The following CDK14 variants were observed in gnomAD, a reference collection of about 807,000 sequenced individuals.
CDK14 encodes the protein cyclin-dependent kinase 14.
In CDK14, 34 loss-of-function variants were observed where a neutral mutation model predicts 60.7. That is an observed-to-expected ratio of 0.56 (90% CI 0.43 to 0.75). The LOEUF is 0.75. CDK14 is among the 30% of genes least tolerant of loss of function. The pLI is 0.00. For missense variants in CDK14, 482 were observed against 564.1 expected (o/e 0.85, Z 1.47); for synonymous variants, 197 against 203.7 (o/e 0.97, Z 0.28).
At chr7:90,990,366 G>A (rs1795496669) in intron 10 of CDK14, among the ~76,000 whole-genome samples, 1 of 152,124 alleles carries the variant, frequency 6.6e-6, no homozygotes, top group South Asian at 2.1e-4. Flanking sequence ...ACCTGTTAGG[G>A]TGAAGAACAT....
intron 8 of CDK14, among the ~76,000 whole-genome samples, chr7:90,918,028 G>C (rs1793133363): frequency 6.6e-6 from 1 of 151,972 alleles, no homozygotes; most frequent in South Asian, 2.1e-4. Flanking sequence ...TGCTCCTTGA[G>C]TGAAAATCTA....
intron 10 of CDK14, among the ~76,000 whole-genome samples, chr7:91,016,780 AG>A (rs1448260912): frequency 1.3e-5 from 2 of 152,194 alleles, no homozygotes; most frequent in Non-Finnish European, 2.9e-5. Context: ...ATTCTATTAG[AG>A]GAATAGGAGT....
At chr7:90,654,409 A>G (rs1241176274) in intron 2 of CDK14, among the ~76,000 whole-genome samples, 2 of 152,222 alleles carry the variant, frequency 1.3e-5, no homozygotes, top group African/African-American at 2.4e-5. Flanking sequence ...TACCATGTAT[A>G]TTAACTTTGT....
At chr7:90,646,484 C>T (rs1563028700) in intron 2 of CDK14, among the ~76,000 whole-genome samples, 1 of 151,712 alleles carries the variant, frequency 6.6e-6, no homozygotes, top group East Asian at 1.9e-4. Context: ...AGCTTTCCCC[C>T]TCACTTAAAA....
At chr7:90,880,090 C>T (rs73403543) in intron 6 of CDK14, among the ~76,000 whole-genome samples, 61 of 152,360 alleles carry the variant, frequency 4.0e-4, no homozygotes, top group African/African-American at 1.4e-3. Flanking sequence ...TGGGGAGATG[C>T]GATCAGCATT....
chr7:90,940,177 G>A (rs1299044062), intron 8 of CDK14, among the ~76,000 whole-genome samples: 1 of 151,932 alleles, frequency 6.6e-6, no homozygotes, highest in African/African-American at 2.4e-5. Flanking sequence ...CTGTTTTCTT[G>A]TTCCTTTCCC....
chr7:90,802,215 T>C (rs557057510), intron 5 of CDK14, among the ~76,000 whole-genome samples: 1 of 152,362 alleles, frequency 6.6e-6, no homozygotes, highest in East Asian at 1.9e-4. Context: ...TGAAACATTA[T>C]GTTAATGCAA....
intron 2 of CDK14, among the ~76,000 whole-genome samples, chr7:90,609,386 CA>C (rs1299153824): frequency 6.6e-6 from 1 of 152,056 alleles, no homozygotes; most frequent in Non-Finnish European, 1.5e-5. Context: ...GTGTCCCTGC[CA>C]AATCTCGTGT....
At chr7:90,716,918 T>C (rs1477527165) in intron 2 of CDK14, among the ~76,000 whole-genome samples, 4 of 152,022 alleles carry the variant, frequency 2.6e-5, no homozygotes, top group Non-Finnish European at 5.9e-5. Flanking sequence ...AGGGATCTTG[T>C]TAAAATTCAG....
At chr7:91,116,354 T>C (rs975479080) in intron 13 of CDK14, among the ~76,000 whole-genome samples, 1 of 152,192 alleles carries the variant, frequency 6.6e-6, no homozygotes, top group Admixed American at 6.5e-5. Flanking sequence ...CCACCTGGAT[T>C]GCAGCTTCAG....
At chr7:90,728,264 C>CT (rs1179200356) in intron 3 of CDK14, among the ~76,000 whole-genome samples, 1 of 151,744 alleles carries the variant, frequency 6.6e-6, no homozygotes, top group African/African-American at 2.4e-5. Flanking sequence ...GAGTTAATTT[C>CT]TTTCAGTTTC....
intron 9 of CDK14, among the ~76,000 whole-genome samples, chr7:90,982,320 A>C (rs1020194799): frequency 9.2e-5 from 14 of 152,332 alleles, no homozygotes; most frequent in African/African-American, 3.4e-4. Context: ...TAGGCGAAGA[A>C]GGAGGGTACT....
intron 2 of CDK14, among the ~76,000 whole-genome samples, chr7:90,696,153 A>G (rs191987881): frequency 1.3e-5 from 2 of 152,234 alleles, no homozygotes; most frequent in East Asian, 1.9e-4. Flanking sequence ...AGCCAAGGGA[A>G]CTAGCTTGTT....
chr7:91,154,000 G>C (rs1336480313), intron 14 of CDK14, among the ~76,000 whole-genome samples: 1 of 152,064 alleles, frequency 6.6e-6, no homozygotes, highest in Admixed American at 6.6e-5. Context: ...ACTATGGGAG[G>C]GAGTTCTGAC....
intron 5 of CDK14, among the ~76,000 whole-genome samples, chr7:90,793,517 A>G (rs1805916687): frequency 6.6e-6 from 1 of 152,236 alleles, no homozygotes. Context: ...CCAGACAGGT[A>G]TAGAAAAGGA....
chr7:90,770,731 A>G (rs918010496), intron 4 of CDK14, among the ~76,000 whole-genome samples: 1 of 152,070 alleles, frequency 6.6e-6, no homozygotes, highest in Non-Finnish European at 1.5e-5. Flanking sequence ...TTCATGATAG[A>G]CCCCTTCACG....
chr7:91,068,000 C>A (rs893377472), intron 11 of CDK14, among the ~76,000 whole-genome samples: 5 of 152,136 alleles, frequency 3.3e-5, no homozygotes, highest in African/African-American at 1.2e-4. Context: ...GGGCATTTGA[C>A]TTAATTAATT....
chr7:90,967,859 T>C (rs1394964713), intron 9 of CDK14, among the ~76,000 whole-genome samples: 2 of 152,186 alleles, frequency 1.3e-5, no homozygotes, highest in South Asian at 2.1e-4. Context: ...CATTAACTTA[T>C]ATGCACAGGA....
intron 10 of CDK14, among the ~76,000 whole-genome samples, chr7:91,013,175 A>G (rs1286394085): frequency 6.6e-6 from 1 of 152,152 alleles, no homozygotes; most frequent in Non-Finnish European, 1.5e-5. Context: ...TGAACCCCAA[A>G]TTTCTTTTTC....
Sources: allele counts gnomAD v4.1 joint callset (sites outside exome capture counted in the v4.1 genomes callset), GRCh38; gene constraint gnomAD v4.1.1; transcripts MANE v1.5; gene names NCBI Gene and HGNC (gene_info 2026-07-23, HGNC 2026-07-21).